The following TMTC1 variants were observed in gnomAD, a reference collection of about 807,000 sequenced individuals.
The protein encoded by TMTC1 is protein O-mannosyl-transferase TMTC1.
A neutral mutation model predicts 104.8 loss-of-function variants in TMTC1; 73 were observed. The observed-to-expected ratio is 0.70, with a 90% CI of 0.58 to 0.85. The LOEUF (loss-of-function observed/expected upper bound fraction) is 0.85. Among genes scored for constraint, TMTC1 ranks in the 40% least tolerant of loss-of-function variants. The probability of loss-of-function intolerance (pLI) is 0.00; values close to 1 mark genes in which losing one functional copy is unlikely to be tolerated. For missense variants in TMTC1, 1,035 were observed against 1,096.1 expected, an observed-to-expected ratio of 0.94 and a Z score of 0.79; for synonymous variants, 434 against 428.7, an observed-to-expected ratio of 1.01 and a Z score of -0.15.
chr12:29,582,772 T>A (rs988414689), intron 8 of TMTC1, among the ~76,000 whole-genome samples: 2 of 152,162 alleles, frequency 1.3e-5, no homozygotes, highest in Non-Finnish European at 2.9e-5. Context: ...AATCAGGTCA[T>A]AAGTGAGGAC....
At chr12:29,758,613 C>T in intron 3 of TMTC1, 91 bp downstream of exon 3, 1 of 1,263,230 alleles carries the variant, frequency 7.9e-7, no homozygotes, top group South Asian at 1.3e-5. Flanking sequence ...ATTTCACAAC[C>T]AGAAGCTTCT....
chr12:29,613,565 A>G (rs1946901416), intron 6 of TMTC1, among the ~76,000 whole-genome samples: 1 of 152,182 alleles, frequency 6.6e-6, no homozygotes, highest in Non-Finnish European at 1.5e-5. Flanking sequence ...CTAGTGTGGA[A>G]GAGAGATAGG....
At chr12:29,642,707 T>C (rs1347356382) in intron 5 of TMTC1, among the ~76,000 whole-genome samples, 2 of 151,890 alleles carry the variant, frequency 1.3e-5, no homozygotes, top group African/African-American at 4.8e-5. Context: ...GGGTGGATCA[T>C]GAGGTCAGGA....
chr12:29,655,466 C>T (rs990004687), intron 5 of TMTC1, among the ~76,000 whole-genome samples: 3 of 152,110 alleles, frequency 2.0e-5, no homozygotes, highest in African/African-American at 4.8e-5. Flanking sequence ...TGTTTCTGTA[C>T]ATTAAATTCT....
intron 6 of TMTC1, 146 bp from the exon 7 acceptor site, chr12:29,604,445 T>C (rs1592307928): frequency 3.7e-5 from 42 of 1,128,526 alleles, no homozygotes; most frequent in Non-Finnish European, 5.1e-5. Context: ...GTGCTGAATT[T>C]AACAGAGAAA....
At chr12:29,567,538 T>A (rs1006089140) in intron 9 of TMTC1, among the ~76,000 whole-genome samples, 3 of 152,232 alleles carry the variant, frequency 2.0e-5, no homozygotes, top group Non-Finnish European at 2.9e-5. Context: ...CTACTTGTGA[T>A]ATTAGAAAGC....
chr12:29,609,131 C>T lies in TMTC1; in HGVS notation c.1129-4832G>A, dbSNP rs542141915. On this transcript the variant is annotated intron_variant, in intron 6 of 17. Coordinates refer to ENST00000539277, the MANE Select transcript of TMTC1 (RefSeq NM_001193451.2). Reference sequence around the variant, plus strand: ...GTCATCATTACTATTTTTTTTCTCACCTCTAAACAAGTTTCAGAGAAATGG... The same window carrying T: ...GTCATCATTACTATTTTTTTTCTCATCTCTAAACAAGTTTCAGAGAAATGG... 2.6e-5 allele frequency among the ~76,000 whole-genome samples: 4 copies of T among 152,212 alleles called. 1 individual carries two copies. The highest frequency in any genetic ancestry group is 3.9e-4 in the East Asian group (2 of 5,192).
chr12:29,590,487 CT>C (rs1412124380), intron 7 of TMTC1, among the ~76,000 whole-genome samples: 2 of 152,160 alleles, frequency 1.3e-5, no homozygotes, highest in African/African-American at 4.8e-5. Flanking sequence ...CCCCCTTTGC[CT>C]TTAAAAATCC....
At chr12:29,585,166 T>G (rs1385705640) in intron 7 of TMTC1, among the ~76,000 whole-genome samples, 1 of 151,648 alleles carries the variant, frequency 6.6e-6, no homozygotes, top group Non-Finnish European at 1.5e-5. Flanking sequence ...ATTGTGGTTT[T>G]GATTTGCATT....
intron 6 of TMTC1, among the ~76,000 whole-genome samples, chr12:29,619,838 G>A (rs1416808103): frequency 6.6e-6 from 1 of 151,990 alleles, no homozygotes; most frequent in Non-Finnish European, 1.5e-5. Flanking sequence ...CTACCTTCCC[G>A]AACTATGCTT....
chr12:29,734,307 A>C (rs11050414), intron 5 of TMTC1, among the ~76,000 whole-genome samples: 7,428 of 152,308 alleles, frequency 0.049, 233 homozygotes, highest in South Asian at 0.13. Context: ...TCTCTAATAA[A>C]GGTCACACGC....
chr12:29,600,033 G>A (rs1417975273), intron 7 of TMTC1, among the ~76,000 whole-genome samples: 3 of 125,220 alleles, frequency 2.4e-5, no homozygotes, highest in Admixed American at 8.6e-5. Flanking sequence ...TCCCTCAAAA[G>A]AGCCTGGATA....
intron 15 of TMTC1, among the ~76,000 whole-genome samples, chr12:29,516,069 A>G (rs769189532): frequency 6.6e-6 from 1 of 152,122 alleles, no homozygotes; most frequent in Non-Finnish European, 1.5e-5. Context: ...AATAAAGCAT[A>G]TAAATGTTGG....
intron 4 of TMTC1, 91 bp downstream of exon 4, chr12:29,755,618 T>A: frequency 8.9e-7 from 1 of 1,120,250 alleles, no homozygotes. Flanking sequence ...AATAAAGTGT[T>A]ATATTTTTTA....
chr12:29,601,073 G>C (rs79048977), intron 7 of TMTC1, among the ~76,000 whole-genome samples: 7,193 of 152,208 alleles, frequency 0.047, 587 homozygotes, highest in African/African-American at 0.16. Flanking sequence ...TTTCTTTTCA[G>C]TACTTTTATT....
At chr12:29,686,754 C>T (rs910147521) in intron 5 of TMTC1, among the ~76,000 whole-genome samples, 2 of 152,216 alleles carry the variant, frequency 1.3e-5, no homozygotes, top group Non-Finnish European at 2.9e-5. Flanking sequence ...CTATTACACC[C>T]AACCTAGAAG....
intron 5 of TMTC1, among the ~76,000 whole-genome samples, chr12:29,638,396 C>A (rs1453126444): frequency 6.6e-6 from 1 of 152,002 alleles, no homozygotes; most frequent in Non-Finnish European, 1.5e-5. Context: ...ACTACCTTCC[C>A]ACTCCATCTC....
Position 29,589,223 on chromosome 12 carries a change from T to C in TMTC1, c.1251-5649A>G, listed in dbSNP as rs187648652. On this transcript the variant is annotated intron_variant, in intron 7 of 17. Transcript: ENST00000539277. ...TACATTCCCATTTTTCCCTCCAGCC[T>C]ACTTTTCCCCTTTAAATACTAAAGA... is the stretch of plus-strand genomic sequence containing the variant. 3.1e-4 allele frequency among the ~76,000 whole-genome samples: 47 copies of C among 152,322 alleles called. No individual in the cohort carries two copies. The East Asian group carries it at 8.7e-3, about 28-fold the overall frequency.
At chr12:29,639,865 A>G (rs1938747923) in intron 5 of TMTC1, among the ~76,000 whole-genome samples, 1 of 152,222 alleles carries the variant, frequency 6.6e-6, no homozygotes, top group Non-Finnish European at 1.5e-5. Flanking sequence ...GAAGACACAA[A>G]AGAAAAGGAA....
Sources: allele counts gnomAD v4.1 joint callset (sites outside exome capture counted in the v4.1 genomes callset), GRCh38; gene constraint gnomAD v4.1.1; transcripts MANE v1.5; gene names NCBI Gene and HGNC (gene_info 2026-07-23, HGNC 2026-07-21).